CSMD3: variants seen among roughly 807,000 people sequenced by gnomAD.
The protein encoded by CSMD3 is CUB and Sushi multiple domains 3.
A neutral mutation model predicts 435.2 loss-of-function variants in CSMD3; 177 were observed. The ratio of observed to expected loss-of-function variants is 0.41; its 90% CI spans 0.36 to 0.46. The LOEUF (loss-of-function observed/expected upper bound fraction) is 0.46. Among genes scored for constraint, CSMD3 ranks in the 20% least tolerant of loss-of-function variants. The pLI is 0.34. For missense variants in CSMD3, 4,265 were observed against 4,504.6 expected (o/e 0.95, Z 1.52); for synonymous variants, 1,656 against 1,520.5 (o/e 1.09, Z -2.07).
At chr8:113,378,675 C>G (rs1287053806) in intron 1 of CSMD3, among the ~76,000 whole-genome samples, 1 of 151,984 alleles carries the variant, frequency 6.6e-6, no homozygotes. Context: ...TGCTTTAATG[C>G]AGTGGATTTC....
intron 11 of CSMD3, among the ~76,000 whole-genome samples, chr8:112,858,440 T>C (rs546022757): frequency 6.6e-6 from 1 of 151,880 alleles, no homozygotes; most frequent in South Asian, 2.1e-4. Flanking sequence ...TCACATAATT[T>C]GAAGATTTGA....
chr8:112,270,598 C>T (rs1200301321), intron 59 of CSMD3, among the ~76,000 whole-genome samples: 1 of 151,966 alleles, frequency 6.6e-6, no homozygotes, highest in Non-Finnish European at 1.5e-5. Flanking sequence ...AGCAAAGTGC[C>T]CAATGATAGT....
Position 112,314,045 on chromosome 8 carries a change from A to G in CSMD3, c.7557T>C (p.Asn2519=), listed in dbSNP as rs1822239314. 1 of 1,608,002 alleles carries G rather than the reference A, an allele frequency of 6.2e-7. No homozygotes were observed. Among genetic ancestry groups the G allele is most frequent in the Non-Finnish European group, 8.5e-7 (1 of 1,175,026 alleles). The change falls in exon 49 of 71, where the codon AAT becomes AAC. Residue 2519 remains asparagine (N), a synonymous_variant. Transcript: ENST00000297405. The part of the protein sequence containing the change: ...FDVLQVYDGP[N]IQSPVLISLS... ...GGGAAATAAGCACTGGACTTTGAATATTTGGTCCTTTGGGAAGAAAATAAA... is the reference window on the plus strand; with the variant it reads ...GGGAAATAAGCACTGGACTTTGAATGTTTGGTCCTTTGGGAAGAAAATAAA...
intron 22 of CSMD3, among the ~76,000 whole-genome samples, chr8:112,607,950 G>A (rs2131451270): frequency 6.6e-6 from 1 of 152,156 alleles, no homozygotes; most frequent in Non-Finnish European, 1.5e-5. Context: ...GAAAGTTCTA[G>A]CCAGAGCAAC....
In CSMD3 at chr8:112,614,160, A is replaced by G. The variant is rs186120874; in HGVS notation, c.3715+22657T>C. 2.1e-3 allele frequency among the ~76,000 whole-genome samples: 320 copies of G among 152,198 alleles called. 3 individuals are homozygous for G. The highest frequency in any genetic ancestry group is 1.4e-3 in the Non-Finnish European group (94 of 67,994). On this transcript the variant is annotated intron_variant, in intron 22 of 70. Coordinates refer to ENST00000297405, the MANE Select transcript of CSMD3 (RefSeq NM_198123.2). ...GGGAAAAAGCATTGCAGGCAGAGGG[A>G]ATAGCAAATACAGGGCAGGAGGATG...
intron 32 of CSMD3, among the ~76,000 whole-genome samples, chr8:112,433,539 C>A (rs1813953763): frequency 1.3e-5 from 2 of 150,722 alleles, no homozygotes; most frequent in Non-Finnish European, 3.0e-5. Flanking sequence ...TGCTTGTGGT[C>A]CCAACTACTC....
At chr8:113,098,524 A>G (rs994718690) in intron 5 of CSMD3, 4 of 520,496 alleles carry the variant, frequency 7.7e-6, no homozygotes, top group African/African-American at 7.7e-5. Context: ...ACAACTGTAG[A>G]TTACAATAGG....
rs2131802208 is a variant in CSMD3 at position 112,685,426 on chromosome 8, C to A, written c.2462G>T (p.Gly821Val). 1 of 1,613,648 alleles carries A rather than the reference C, an allele frequency of 6.2e-7. No homozygotes were observed. Among genetic ancestry groups the A allele is most frequent in the Non-Finnish European group, 8.5e-7 (1 of 1,179,776 alleles). The change falls in exon 15 of 71, where the codon GGC (glycine) becomes GTC (valine). Residue 821 changes from glycine (G) to valine (V), a missense_variant. Coordinates refer to ENST00000297405, the MANE Select transcript of CSMD3 (RefSeq NM_198123.2). ...FQADHSMSGR[G>V]FNITYNTFGH... ...CTTACTGTTGTAAGTGATGTTAAAG[C>A]CACGTCCTGACATTGAGTGGTCAGC...
rs1317036419 is a variant in CSMD3, at chr8:113,179,880, A to T, written c.515-5964T>A. On this transcript the variant is annotated intron_variant, in intron 3 of 70. Coordinates refer to ENST00000297405, the MANE Select transcript of CSMD3 (RefSeq NM_198123.2). ...TACAACAGTCTCATTCTTTAAAAAA[A>T]ATACCCAATTTGTTGGGAGCACATG... Among the ~76,000 whole-genome samples the T allele has an allele frequency of 4.6e-5, 7 of 152,038 alleles. No individual in the cohort carries two copies. The South Asian group carries it at 1.0e-3, about 22-fold the overall frequency.
chr8:112,284,122 T>C (rs1586650038), intron 58 of CSMD3, among the ~76,000 whole-genome samples: 1 of 152,006 alleles, frequency 6.6e-6, no homozygotes, highest in East Asian at 1.9e-4. Context: ...CACACTTGTA[T>C]TGATAGCATA....
At chr8:112,458,215 C>CCACACACACACACA (rs1283555462) in intron 32 of CSMD3, among the ~76,000 whole-genome samples, 31,156 of 150,628 alleles carry the variant, frequency 0.21, 3,672 homozygotes, top group East Asian at 0.38. Flanking sequence ...ACACTCACAC[C>CCACACACACACACA]CACACACACA....
chr8:112,705,030 T>G (rs577347179), intron 13 of CSMD3, among the ~76,000 whole-genome samples: 5 of 152,244 alleles, frequency 3.3e-5, no homozygotes, highest in African/African-American at 9.6e-5. Flanking sequence ...CTTTAATGTA[T>G]GATCAATTCA....
At chr8:113,309,071 C>T (rs991642694) in intron 2 of CSMD3, 9 of 152,286 alleles carry the variant, frequency 5.9e-5, no homozygotes, top group African/African-American at 2.2e-4. Flanking sequence ...ACCTCAGCCT[C>T]CAGAGTAGCT....
At position 113,045,494 on chromosome 8, in the gene CSMD3, T is replaced by G. The variant is rs77256234; in HGVS notation, c.918-26315A>C. Among the ~76,000 whole-genome samples, 1,192 of 149,700 alleles carry G rather than the reference T, an allele frequency of 8.0e-3. 40 individuals carry two copies. Among genetic ancestry groups the G allele is most frequent in the African/African-American group, 0.027 (1,116 of 41,416 alleles). On this transcript the variant is annotated intron_variant, in intron 5 of 70. Coordinates refer to ENST00000297405, the MANE Select transcript of CSMD3 (RefSeq NM_198123.2). ...TCTATATGCCACTAAATTCTAATTT[T>G]ACTCTAGTCTATGGTTTCTAAATTA...
intron 13 of CSMD3, among the ~76,000 whole-genome samples, chr8:112,779,171 G>A (rs930372511): frequency 7.2e-6 from 1 of 138,332 alleles, no homozygotes; most frequent in Admixed American, 7.1e-5. Context: ...ATGTGTGTGT[G>A]TGTGTGTTTG....
At chr8:113,076,474 A>G (rs1483047679) in intron 5 of CSMD3, among the ~76,000 whole-genome samples, 2 of 152,060 alleles carry the variant, frequency 1.3e-5, no homozygotes, top group African/African-American at 4.8e-5. Context: ...GCAGTTTACA[A>G]TCATAAAATA....
intron 5 of CSMD3, among the ~76,000 whole-genome samples, chr8:113,071,354 T>C (rs1042391961): frequency 2.0e-5 from 3 of 151,936 alleles, no homozygotes; most frequent in African/African-American, 7.2e-5. Flanking sequence ...TTGTTTATTT[T>C]TGCCTGTGCT....
intron 18 of CSMD3, among the ~76,000 whole-genome samples, chr8:112,655,157 A>G (rs1383734793): frequency 6.6e-6 from 1 of 152,160 alleles, no homozygotes; most frequent in East Asian, 1.9e-4. Flanking sequence ...AAAACCCATG[A>G]GTCCATTGAC....
Position 112,630,528 on chromosome 8 carries a change from C to T in CSMD3, c.3715+6289G>A, listed in dbSNP as rs187895414. Among the ~76,000 whole-genome samples, 212 of 152,094 alleles carry T rather than the reference C, an allele frequency of 1.4e-3. 3 individuals are homozygous for T. Among genetic ancestry groups the T allele is most frequent in the African/African-American group, 4.9e-3 (203 of 41,502 alleles). On this transcript the variant is annotated intron_variant, in intron 22 of 70. Coordinates refer to ENST00000297405, the MANE Select transcript of CSMD3 (RefSeq NM_198123.2). ...ACACAGGGTTCAACACAATGCCTGC[C>T]GTGTATTATTATTCTTATGCTACTA...
Sources: gnomAD v4.1 joint callset for allele counts (sites outside exome capture counted in the v4.1 genomes callset) on GRCh38, gnomAD v4.1.1 for gene constraint, MANE v1.5 for transcripts, NCBI Gene and HGNC (gene_info 2026-07-23, HGNC 2026-07-21) for gene names.